The following ACLY variants were observed in gnomAD, a reference collection of about 807,000 sequenced individuals.
ACLY encodes ATP citrate lyase, also known as ATP-citrate synthase.
A neutral mutation model predicts 133.0 loss-of-function variants in ACLY; 41 were observed. The observed-to-expected ratio is 0.31, with a 90% CI of 0.24 to 0.40. The LOEUF is 0.40. ACLY is among the 10% of genes least tolerant of loss of function. The probability of loss-of-function intolerance (pLI) is 1.00; values close to 1 mark genes in which losing one functional copy is unlikely to be tolerated. For missense variants in ACLY, 1,046 were observed against 1,453.8 expected, an observed-to-expected ratio of 0.72 and a Z score of 4.56; for synonymous variants, 495 against 549.3, an observed-to-expected ratio of 0.90 and a Z score of 1.38.
chr17:41,878,762 G>A (rs781866071), intron 21 of ACLY, 35 bp downstream of exon 21: 3 of 1,611,820 alleles, frequency 1.9e-6, no homozygotes, highest in Non-Finnish European at 2.5e-6. Context: ...TTGGAAAGGA[G>A]GGGGAGGCCG....
intron 21 of ACLY, 26 bp downstream of exon 21, chr17:41,878,771 C>T (rs1555626616): frequency 5.0e-6 from 8 of 1,612,496 alleles, no homozygotes; most frequent in South Asian, 1.1e-5. Flanking sequence ...AGGGGGAGGC[C>T]GGCATCCTCC....
chr17:41,882,941 C>G (rs1240624660), intron 20 of ACLY, among the ~76,000 whole-genome samples, 181 bp downstream of exon 20: 3 of 152,224 alleles, frequency 2.0e-5, no homozygotes, highest in African/African-American at 7.2e-5. Context: ...TTGGTCTCCT[C>G]CAACTGGATA....
rs782744808 is a variant in ACLY at position 41,878,808 on chromosome 17, T to A, written c.2382A>T (p.Gly794=). 1.2e-6 allele frequency: 2 copies of A among 1,613,750 alleles called. No homozygotes were observed. Among genetic ancestry groups the A allele is most frequent in the South Asian group, 2.2e-5 (2 of 91,052 alleles). ...CAAGGTCCACTTACTGGATGATCTC[T>A]CCAAGCTCATCAAAGCTCCGGGGCA... ...VFVPRSFDEL[G]EIIQSVYEDL... Residue 794 remains glycine, a synonymous_variant, in exon 21 of 29, where the codon GGA becomes GGT. Coordinates refer to ENST00000352035, the MANE Select transcript of ACLY (RefSeq NM_001096.3).
chr17:41,908,632 C>T (rs782496585), intron 6 of ACLY, among the ~76,000 whole-genome samples: 5 of 152,180 alleles, frequency 3.3e-5, no homozygotes, highest in Non-Finnish European at 7.3e-5. Flanking sequence ...GGCGTGGTGG[C>T]GGGCACCTGT....
Position 41,890,545 on chromosome 17 carries a change from G to A in ACLY, c.1770+1734C>T, listed in dbSNP as rs1312013617. Among the ~76,000 whole-genome samples the A allele has an allele frequency of 7.3e-5, 11 of 151,650 alleles. No homozygotes were observed. In the South Asian group the frequency reaches 1.3e-3, roughly 17 times the overall value. The stretch of plus-strand genomic sequence containing the variant: ...TAAAAATACAAAAAAAAAATTAGCC[G>A]GGCATGGTGGCAGGCGCCTGTAATC... On this transcript the variant is annotated intron_variant, in intron 16 of 28. Transcript: ENST00000352035.
upstream of ACLY, among the ~76,000 whole-genome samples, chr17:41,921,175 G>A (rs1348599288): frequency 1.3e-5 from 2 of 150,782 alleles, no homozygotes; most frequent in Non-Finnish European, 2.9e-5. Flanking sequence ...TCGGGTGCCT[G>A]TAATCTCAGC....
At chr17:41,898,845 T>C (rs1159542656) in intron 11 of ACLY, 60 bp from the exon 12 acceptor site, 8 of 1,542,612 alleles carry the variant, frequency 5.2e-6, no homozygotes, top group Non-Finnish European at 7.0e-6. Flanking sequence ...CCCAAGTCCA[T>C]GTGACCCTGC....
upstream of ACLY, among the ~76,000 whole-genome samples, chr17:41,920,266 T>C (rs980019697): frequency 6.6e-6 from 1 of 152,188 alleles, no homozygotes; most frequent in African/African-American, 2.4e-5. Context: ...CATTCATCTT[T>C]TTGAAATAGC....
chr17:41,918,732 ACC>A, intron 1 of ACLY, 146 bp downstream of exon 1: 2 of 1,017,100 alleles, frequency 2.0e-6, no homozygotes, highest in South Asian at 3.0e-5. Flanking sequence ...GCGAAGGCTA[ACC>A]TAAAGCTAAG....
At chr17:41,909,904 C>T (rs2049847355) in intron 4 of ACLY, among the ~76,000 whole-genome samples, 1 of 152,226 alleles carries the variant, frequency 6.6e-6, no homozygotes, top group Non-Finnish European at 1.5e-5. Flanking sequence ...GAAGCCTCTA[C>T]CCCACTGGCT....
intron 20 of ACLY, among the ~76,000 whole-genome samples, chr17:41,881,103 GA>G (rs2048904721): frequency 6.6e-6 from 1 of 151,692 alleles, no homozygotes; most frequent in Non-Finnish European, 1.5e-5. Flanking sequence ...GAGTTGGGGG[GA>G]GAGCAATGGA....
intron 9 of ACLY, among the ~76,000 whole-genome samples, 197 bp from the exon 10 acceptor site, chr17:41,904,987 A>C (rs1363100409): frequency 1.3e-5 from 2 of 152,154 alleles, no homozygotes; most frequent in African/African-American, 4.8e-5. Context: ...ATGCCACCAG[A>C]CAGGGGTCAG....
chr17:41,919,112 A>G (rs2050137285), upstream of ACLY: 2 of 1,159,938 alleles, frequency 1.7e-6, no homozygotes, highest in Non-Finnish European at 1.1e-6. Context: ...GCTCCGCCCC[A>G]CGAGGGCGGG....
rs372439930 is a variant in ACLY, at chr17:41,898,105, T to TTTTTC, written c.1339-271_1339-267dup. ...AAAAGTAAGAGTAACGATTTTTAAG[T>TTTTTC]TTTTCTTTTCTTTTCTTTTCTTTTG... On this transcript the variant is annotated intron_variant, in intron 12 of 28. Coordinates refer to ENST00000352035, the MANE Select transcript of ACLY (RefSeq NM_001096.3). Among the ~76,000 whole-genome samples, 161 of 152,116 alleles carry TTTTTC rather than the reference T, an allele frequency of 1.1e-3. 2 individuals carry two copies. Among genetic ancestry groups the TTTTTC allele is most frequent in the East Asian group, 5.8e-4 (3 of 5,176 alleles).
intron 3 of ACLY, among the ~76,000 whole-genome samples, chr17:41,911,835 C>T (rs1182667475): frequency 6.6e-6 from 1 of 151,810 alleles, no homozygotes; most frequent in Admixed American, 6.6e-5. Flanking sequence ...ATAAAGTAGG[C>T]CGGGCGCAGT....
chr17:41,922,253 C>T (rs1476514772), upstream of ACLY, among the ~76,000 whole-genome samples: 3 of 151,782 alleles, frequency 2.0e-5, no homozygotes, highest in Non-Finnish European at 1.5e-5. Context: ...GTGGCACGTG[C>T]CTGTAGTCCC....
intron 16 of ACLY, among the ~76,000 whole-genome samples, chr17:41,890,918 A>G (rs1222541733): frequency 6.6e-6 from 1 of 151,324 alleles, no homozygotes; most frequent in Non-Finnish European, 1.5e-5. Context: ...AGGCACGAGA[A>G]TCACTTGAGC....
intron 17 of ACLY, among the ~76,000 whole-genome samples, chr17:41,886,736 TG>T (rs1372118356): frequency 6.6e-6 from 1 of 151,246 alleles, no homozygotes; most frequent in African/African-American, 2.4e-5. Context: ...TCGGGGCTGC[TG>T]AAGTGTGTTA....
At chr17:41,906,396 T>G in intron 8 of ACLY, 132 bp downstream of exon 8, 1 of 752,808 alleles carries the variant, frequency 1.3e-6, no homozygotes, top group Admixed American at 2.0e-5. Flanking sequence ...CTCGAAGCCC[T>G]CTGGGATGCC....
Sources: allele counts gnomAD v4.1 joint callset (sites outside exome capture counted in the v4.1 genomes callset), GRCh38; gene constraint gnomAD v4.1.1; transcripts MANE v1.5; gene names NCBI Gene and HGNC (gene_info 2026-07-23, HGNC 2026-07-21).